Variants in PEX5L observed in about 807,000 individuals in gnomAD.
The protein encoded by PEX5L is peroxisomal biogenesis factor 5 like, also known as PEX5-related protein.
In PEX5L, 30 loss-of-function variants were observed where a neutral mutation model predicts 84.0. The ratio of observed to expected loss-of-function variants is 0.36; its 90% CI spans 0.27 to 0.48. The LOEUF (loss-of-function observed/expected upper bound fraction) is 0.48. Among genes scored for constraint, PEX5L ranks in the 20% least tolerant of loss-of-function variants. The pLI is 0.99. For synonymous variants in PEX5L, 270 were observed against 283.1 expected (o/e 0.95, Z 0.46); for missense variants, 533 against 754.6 (o/e 0.71, Z 3.44).
chr3:179,887,596 T>G, intron 4 of PEX5L, 77 bp downstream of exon 4: 1 of 907,270 alleles, frequency 1.1e-6, no homozygotes, highest in Non-Finnish European at 1.8e-6. Context: ...ACTTAAAATG[T>G]ATTATGGAAA....
At chr3:180,034,418 G>A (rs1561093782) in intron 1 of PEX5L, among the ~76,000 whole-genome samples, 1 of 151,260 alleles carries the variant, frequency 6.6e-6, no homozygotes, top group Non-Finnish European at 1.5e-5. Context: ...TGTGATTAGA[G>A]TCAGGTACAC....
intron 7 of PEX5L, among the ~76,000 whole-genome samples, chr3:179,859,987 A>G (rs917333299): frequency 6.6e-6 from 1 of 152,254 alleles, no homozygotes; most frequent in Non-Finnish European, 1.5e-5. Context: ...CTCTGCAGTT[A>G]CATAAACATT....
intron 1 of PEX5L, among the ~76,000 whole-genome samples, chr3:180,029,486 G>C (rs555542040): frequency 2.6e-5 from 4 of 152,258 alleles, no homozygotes; most frequent in Non-Finnish European, 5.9e-5. Context: ...TTTTCCAGAA[G>C]GAAAAACTAC....
intron 2 of PEX5L, among the ~76,000 whole-genome samples, chr3:179,917,692 C>T (rs371282805): frequency 1.3e-5 from 2 of 151,950 alleles, no homozygotes; most frequent in Non-Finnish European, 2.9e-5. Context: ...CTTTTTGAGA[C>T]GGAGTTGCCC....
intron 8 of PEX5L, among the ~76,000 whole-genome samples, chr3:179,858,791 A>T (rs1023862044): frequency 4.6e-5 from 7 of 152,238 alleles, no homozygotes; most frequent in African/African-American, 1.4e-4. Flanking sequence ...TTTCTGACCC[A>T]GGACTCCTGA....
intron 1 of PEX5L, among the ~76,000 whole-genome samples, chr3:179,997,979 T>C (rs1269614921): frequency 6.6e-6 from 1 of 152,222 alleles, no homozygotes; most frequent in Non-Finnish European, 1.5e-5. Context: ...CCAGAAGATA[T>C]CACACTGGTC....
chr3:179,846,151 C>T (rs1227506383), intron 8 of PEX5L, among the ~76,000 whole-genome samples: 4 of 151,976 alleles, frequency 2.6e-5, no homozygotes, highest in Non-Finnish European at 4.4e-5. Context: ...GCCTGGGTGA[C>T]AGAGAGAGAC....
intron 7 of PEX5L, among the ~76,000 whole-genome samples, chr3:179,867,025 C>CAAAAAAAAAAAAAAAAAA (rs61404630): frequency 5.6e-5 from 5 of 89,388 alleles, no homozygotes; most frequent in Non-Finnish European, 1.1e-4. Context: ...GACTCTGTCT[C>CAAAAAAAAAAAAAAAAAA]AAAAAAAAAA....
At chr3:179,815,225 C>T (rs1478808650) in intron 10 of PEX5L, among the ~76,000 whole-genome samples, 1 of 152,214 alleles carries the variant, frequency 6.6e-6, no homozygotes, top group African/African-American at 2.4e-5. Context: ...GGGTGATGTA[C>T]AGTGTGACAC....
intron 2 of PEX5L, among the ~76,000 whole-genome samples, chr3:179,953,575 A>C (rs77197714): frequency 0.026 from 3,924 of 152,276 alleles, 175 homozygotes; most frequent in African/African-American, 0.091. Context: ...TTTAACATTA[A>C]AAGATTTCAT....
chr3:179,932,688 C>T (rs759420420), intron 2 of PEX5L, among the ~76,000 whole-genome samples: 3 of 151,786 alleles, frequency 2.0e-5, no homozygotes, highest in Non-Finnish European at 4.4e-5. Flanking sequence ...TTTAAAGATA[C>T]CTTTGATGAA....
intron 4 of PEX5L, chr3:179,881,504 G>C (rs1754157099): frequency 6.6e-6 from 1 of 152,104 alleles, no homozygotes; most frequent in African/African-American, 2.4e-5. Flanking sequence ...TGAAAATGGG[G>C]AATTAATTGT....
At chr3:179,821,741 T>A (rs1329959336) in intron 8 of PEX5L, among the ~76,000 whole-genome samples, 1 of 152,256 alleles carries the variant, frequency 6.6e-6, no homozygotes, top group Non-Finnish European at 1.5e-5. Flanking sequence ...CAAAATTTAT[T>A]TTTAATGGCT....
intron 5 of PEX5L, 47 bp from the exon 6 acceptor site, chr3:179,875,524 G>A: frequency 6.4e-7 from 1 of 1,551,864 alleles, no homozygotes; most frequent in Non-Finnish European, 8.8e-7. Flanking sequence ...GGCAGGGCGG[G>A]GTAGGGGGAG....
At position 179,959,572 on chromosome 3, in the gene PEX5L, TC is replaced by T. The variant is rs1217817540; in HGVS notation, c.93+12021del. Among the ~76,000 whole-genome samples the T allele has an allele frequency of 2.0e-5, 3 of 152,352 alleles. No homozygotes were observed. The East Asian group carries it at 5.8e-4, about 29-fold the overall frequency. On this transcript the variant is annotated intron_variant, in intron 2 of 14. Transcript: ENST00000467460. Reference sequence around the variant, plus strand: ...ATTTCCATCAAAATAATGTATTTTTTCTTTTTTTTGAGATGGGAAATAATGT... The same window carrying T: ...ATTTCCATCAAAATAATGTATTTTTTTTTTTTTTGAGATGGGAAATAATGT...
intron 2 of PEX5L, among the ~76,000 whole-genome samples, chr3:179,967,418 TTA>T (rs1783615927): frequency 6.6e-6 from 1 of 152,094 alleles, no homozygotes; most frequent in Non-Finnish European, 1.5e-5. Context: ...GTTATACACT[TTA>T]TAGAGCACTT....
chr3:179,979,616 A>T (rs6764609), intron 1 of PEX5L, among the ~76,000 whole-genome samples: 1 of 151,978 alleles, frequency 6.6e-6, no homozygotes, highest in African/African-American at 2.4e-5. Flanking sequence ...TTGACGTATT[A>T]TCTTGGATCC....
intron 2 of PEX5L, among the ~76,000 whole-genome samples, chr3:179,931,850 TTTGTCTATC>T (rs1179851465): frequency 6.6e-6 from 1 of 152,216 alleles, no homozygotes; most frequent in African/African-American, 2.4e-5. Flanking sequence ...GTTATCAATT[TTTGTCTATC>T]AGATTGGCAA....
intron 8 of PEX5L, among the ~76,000 whole-genome samples, chr3:179,835,261 T>C (rs938966807): frequency 2.0e-5 from 3 of 152,236 alleles, no homozygotes; most frequent in Non-Finnish European, 4.4e-5. Context: ...AGATGTGATC[T>C]CAGCCAAATC....
Sources: allele counts gnomAD v4.1 joint callset (sites outside exome capture counted in the v4.1 genomes callset), GRCh38; gene constraint gnomAD v4.1.1; transcripts MANE v1.5; gene names NCBI Gene and HGNC (gene_info 2026-07-23, HGNC 2026-07-21).